Variants in HECTD4 observed in about 807,000 individuals in gnomAD.
The protein encoded by HECTD4 is HECT domain E3 ubiquitin protein ligase 4.
Under a neutral mutation model 471.5 loss-of-function variants are expected in HECTD4, and 114 were observed. The observed-to-expected ratio is 0.24, with a 90% CI of 0.21 to 0.28. The LOEUF (loss-of-function observed/expected upper bound fraction) is 0.28. Among genes scored for constraint, HECTD4 ranks in the 10% least tolerant of loss-of-function variants. HECTD4 has a pLI of 1.00. For synonymous variants in HECTD4, 2,012 were observed against 2,256.0 expected, an observed-to-expected ratio of 0.89 and a Z score of 3.07; for missense variants, 3,866 against 5,651.5, an observed-to-expected ratio of 0.68 and a Z score of 10.13.
At chr12:112,178,821 G>A (rs906394019) in intron 64 of HECTD4, 110 bp downstream of exon 64, 1 of 1,247,606 alleles carries the variant, frequency 8.0e-7, no homozygotes, top group Non-Finnish European at 1.1e-6. Context: ...GACAAAAAAG[G>A]CCTGACACCA....
intron 28 of HECTD4, among the ~76,000 whole-genome samples, 160 bp from the exon 29 acceptor site, chr12:112,247,236 A>C (rs1230760617): frequency 6.6e-6 from 1 of 152,206 alleles, no homozygotes; most frequent in Non-Finnish European, 1.5e-5. Flanking sequence ...TCCAAGTAAC[A>C]CTGTTAGAAA....
chr12:112,305,712 A>G (rs1402371284), intron 7 of HECTD4, among the ~76,000 whole-genome samples: 3 of 152,122 alleles, frequency 2.0e-5, no homozygotes, highest in African/African-American at 7.2e-5. Flanking sequence ...CAATGTTGTT[A>G]TCTCTCTCAG....
intron 13 of HECTD4, 145 bp downstream of exon 13, chr12:112,269,559 T>C: frequency 1.2e-6 from 1 of 831,292 alleles, no homozygotes; most frequent in South Asian, 1.9e-5. Context: ...CAAACCCCTC[T>C]CCAGTGAAAT....
chr12:112,174,934 C>T (rs900700102), intron 66 of HECTD4, among the ~76,000 whole-genome samples: 6 of 152,100 alleles, frequency 3.9e-5, no homozygotes, highest in African/African-American at 7.2e-5. Context: ...TGCACACGTG[C>T]GTGAGCCAGA....
In HECTD4 at chr12:112,231,662, G is replaced by A; in HGVS notation, c.6051C>T (p.Ala2017=). The change falls in exon 39 of 76, where the codon GCC becomes GCT. Residue 2017 remains alanine (A), a synonymous_variant. Coordinates refer to ENST00000682272, the MANE Select transcript of HECTD4 (RefSeq NM_001388303.1). ...TEEAAAALRK[A]TKWAQSGLIV... ...TGAGGCCTGACTGTGCCCACTTGGT[G>A]GCTTTCCGCAGGGCGGCTGCAGCCT... 6.2e-7 allele frequency: 1 copy of A among 1,613,590 alleles called. No individual in the cohort carries two copies. The highest frequency in any genetic ancestry group is 2.2e-5 in the East Asian group (1 of 44,886).
At chr12:112,199,993 T>G (rs544009967) in intron 55 of HECTD4, among the ~76,000 whole-genome samples, 63 of 152,348 alleles carry the variant, frequency 4.1e-4, no homozygotes, top group African/African-American at 1.3e-3. Context: ...GATACGCTTA[T>G]CTGTCTAGAC....
chr12:112,210,804 C>T (rs1222745417), intron 49 of HECTD4, among the ~76,000 whole-genome samples: 2 of 152,250 alleles, frequency 1.3e-5, no homozygotes, highest in Admixed American at 1.3e-4. Flanking sequence ...ATTCCTCCAA[C>T]TGATCATAAC....
At chr12:112,261,687 C>T in intron 17 of HECTD4, 1 of 308,438 alleles carries the variant, frequency 3.2e-6, no homozygotes, top group East Asian at 5.7e-5. Flanking sequence ...AGGGATCACA[C>T]TGAGTCCCTA....
At chr12:112,291,913 T>G (rs553158615) in intron 7 of HECTD4, among the ~76,000 whole-genome samples, 2 of 152,322 alleles carry the variant, frequency 1.3e-5, no homozygotes, top group African/African-American at 4.8e-5. Flanking sequence ...GCAATTGGTT[T>G]GTTTGATTCA....
chr12:112,259,435 G>C (rs924115976), intron 18 of HECTD4, among the ~76,000 whole-genome samples, 170 bp from the exon 19 acceptor site: 1 of 152,086 alleles, frequency 6.6e-6, no homozygotes, highest in East Asian at 1.9e-4. Context: ...CTGCCACTGA[G>C]GGAGAGGGGA....
chr12:112,302,416 CT>C (rs2035184521), intron 7 of HECTD4: 1 of 754,286 alleles, frequency 1.3e-6, no homozygotes, highest in South Asian at 1.4e-5. Flanking sequence ...AGTTCAGGGC[CT>C]GGGTGAACTG....
intron 16 of HECTD4, 35 bp downstream of exon 16, chr12:112,265,140 A>T: frequency 1.3e-6 from 2 of 1,556,506 alleles, no homozygotes; most frequent in East Asian, 2.3e-5. Context: ...GATGCTTGAT[A>T]TAATTTTGCT....
intron 24 of HECTD4, 98 bp downstream of exon 24, chr12:112,250,873 A>T: frequency 8.5e-7 from 1 of 1,176,644 alleles, no homozygotes; most frequent in Non-Finnish European, 1.2e-6. Context: ...GCCAGGCAGT[A>T]GGCACAATCA....
At chr12:112,315,895 T>TAAAA (rs570049819) in intron 2 of HECTD4, among the ~76,000 whole-genome samples, 3 of 93,036 alleles carry the variant, frequency 3.2e-5, no homozygotes, top group Non-Finnish European at 4.3e-5. Flanking sequence ...GACCATGTCT[T>TAAAA]AAAAAAAAAA....
At position 112,166,333 on chromosome 12, in the gene HECTD4, C is replaced by T. The variant is rs980178328; in HGVS notation, c.12534+984G>A. On this transcript the variant is annotated intron_variant, in intron 72 of 75. Transcript: ENST00000682272. The surrounding 1 kb of genome is among the most constrained non-coding windows in gnomAD (Gnocchi z 4.6). ...TGACCCAGGGGGACAATGGCAGAGACCAGAGACCTGGCCAGGCAGTGCCTC... is the reference window on the plus strand; with the variant it reads ...TGACCCAGGGGGACAATGGCAGAGATCAGAGACCTGGCCAGGCAGTGCCTC... The T allele has an allele frequency of 1.3e-5, 2 of 152,278 alleles. No individual in the cohort carries two copies. The highest frequency in any genetic ancestry group is 2.9e-5 in the Non-Finnish European group (2 of 68,072). 9.4% of individuals were successfully genotyped at this position (152,278 alleles called of 1,614,324 possible).
At chr12:112,323,469 C>T (rs1036745700) in intron 1 of HECTD4, among the ~76,000 whole-genome samples, 13 of 151,842 alleles carry the variant, frequency 8.6e-5, no homozygotes, top group Admixed American at 5.2e-4. Flanking sequence ...AATTTCAACC[C>T]ACAACTTAGC....
At chr12:112,294,186 T>C (rs1215981038) in intron 7 of HECTD4, among the ~76,000 whole-genome samples, 1 of 152,218 alleles carries the variant, frequency 6.6e-6, no homozygotes, top group African/African-American at 2.4e-5. Context: ...ATGTCTGTGC[T>C]GCTGAAGTGA....
Position 112,243,314 on chromosome 12 carries a change from T to C in HECTD4, c.4958+39A>G, listed in dbSNP as rs1319023899. The C allele has an allele frequency of 1.9e-6, 3 of 1,575,214 alleles. No homozygotes were observed. Among genetic ancestry groups the C allele is most frequent in the South Asian group, 2.3e-5 (2 of 87,504 alleles). On this transcript the variant is annotated intron_variant, in intron 32 of 75. Coordinates refer to ENST00000682272, the MANE Select transcript of HECTD4 (RefSeq NM_001388303.1). The surrounding 1 kb of genome is among the most constrained non-coding windows in gnomAD (Gnocchi z 6.6). Reference sequence around the variant, plus strand: ...ATAATCTTTTGAATGGCTCTGACCATTCTAGAAAGGACAGTATAAACTAAC... The same window carrying C: ...ATAATCTTTTGAATGGCTCTGACCACTCTAGAAAGGACAGTATAAACTAAC...
intron 29 of HECTD4, among the ~76,000 whole-genome samples, chr12:112,246,355 C>T (rs1184266710): frequency 6.6e-6 from 1 of 151,968 alleles, no homozygotes; most frequent in Non-Finnish European, 1.5e-5. Flanking sequence ...AAAACAAAAA[C>T]GGGCGCAGTG....
Sources: gnomAD v4.1 joint callset for allele counts (sites outside exome capture counted in the v4.1 genomes callset) on GRCh38, gnomAD v4.1.1 for gene constraint, Gnocchi (gnomAD v3.1) non-coding constraint, MANE v1.5 for transcripts, NCBI Gene and HGNC (gene_info 2026-07-23, HGNC 2026-07-21) for gene names.